The following PCDHA10 variants were observed in gnomAD, a reference collection of about 807,000 sequenced individuals.
PCDHA10 encodes protocadherin alpha 10.
PCDHA10 carries 45 observed loss-of-function variants against 61.2 expected under a neutral mutation model. The observed-to-expected ratio is 0.74, with a 90% CI of 0.58 to 0.94. The LOEUF (loss-of-function observed/expected upper bound fraction) is 0.94, where lower values mean the gene tolerates loss of function less well. Among genes scored for constraint, PCDHA10 ranks in the 40% least tolerant of loss-of-function variants. The pLI, the probability that PCDHA10 is intolerant of heterozygous loss-of-function variation, is 0.00. For synonymous variants in PCDHA10, 602 were observed against 548.8 expected, an observed-to-expected ratio of 1.10 and a Z score of -1.35; for missense variants, 1,278 against 1,236.2, an observed-to-expected ratio of 1.03 and a Z score of -0.51.
chr5:140,881,909 G>T (rs941994896), intron 1 of PCDHA10: 6 of 230,500 alleles, frequency 2.6e-5, no homozygotes, highest in Non-Finnish European at 5.1e-5. Context: ...AATATAAAAT[G>T]TTGAGCAGAA....
At chr5:140,977,337 G>A (rs1554238444) in intron 1 of PCDHA10, among the ~76,000 whole-genome samples, 4 of 152,150 alleles carry the variant, frequency 2.6e-5, no homozygotes, top group South Asian at 2.1e-4. Context: ...GGGGAGAGAC[G>A]GTGATGATGA....
intron 1 of PCDHA10, among the ~76,000 whole-genome samples, chr5:140,950,918 G>C (rs1229704497): frequency 6.6e-6 from 1 of 151,584 alleles, no homozygotes; most frequent in African/African-American, 2.4e-5. Context: ...TTTTATTTCA[G>C]TTCTTTTTCT....
chr5:140,980,432 C>A (rs1228010505), intron 2 of PCDHA10, among the ~76,000 whole-genome samples: 1 of 152,118 alleles, frequency 6.6e-6, no homozygotes, highest in East Asian at 1.9e-4. Context: ...GAGATCGAGA[C>A]CATCCTGGAC....
chr5:140,890,760 A>C (rs939413448), intron 1 of PCDHA10, among the ~76,000 whole-genome samples: 2 of 152,188 alleles, frequency 1.3e-5, no homozygotes, highest in Non-Finnish European at 2.9e-5. Flanking sequence ...ATGCTTTAAA[A>C]ATATTTTAAA....
chr5:140,894,525 A>G (rs544789222), intron 1 of PCDHA10, among the ~76,000 whole-genome samples: 11 of 151,856 alleles, frequency 7.2e-5, no homozygotes, highest in African/African-American at 2.7e-4. Context: ...ATATGCTGTT[A>G]TGTGCCTTCT....
chr5:140,858,334 GC>G lies in PCDHA10; in HGVS notation c.2289del (p.Lys764ArgfsTer17). The G allele has an allele frequency of 6.3e-7, 1 of 1,595,814 alleles. No individual in the cohort carries two copies. The highest frequency in any genetic ancestry group is 1.7e-5 in the Admixed American group (1 of 58,868). On this transcript the variant is annotated frameshift_variant, in exon 1 of 4. Coordinates refer to ENST00000307360, the MANE Select transcript of PCDHA10 (RefSeq NM_018901.4). LOFTEE classifies it high-confidence loss of function. Reference sequence around the variant, plus strand: ...AGAGGGTGTGTTCTGGGGAGGGCCTGCCCAAGGCGGACCTCATGGCCTTCAG... The same window carrying G: ...AGAGGGTGTGTTCTGGGGAGGGCCTGCCAAGGCGGACCTCATGGCCTTCAG... ...RQRVCSGEGL[P>X]KADLMAFSPS...
intron 3 of PCDHA10, among the ~76,000 whole-genome samples, chr5:140,997,321 T>C (rs964967011): frequency 1.3e-5 from 2 of 152,174 alleles, no homozygotes; most frequent in Non-Finnish European, 2.9e-5. Flanking sequence ...CTTTAGGCAG[T>C]TTTTTCGTTG....
In PCDHA10 at chr5:140,937,565, T is replaced by C. The variant is rs528061401; in HGVS notation, c.2389-41384T>C. ...CTGCGAGGCAGAGGTTGCAGTGAGC[T>C]GGGATCGCGTCACTGCACTCTAGCC... On this transcript the variant is annotated intron_variant, in intron 1 of 3. Transcript: ENST00000307360. Among the ~76,000 whole-genome samples the C allele has an allele frequency of 1.9e-3, 290 of 151,276 alleles. 1 individual carries two copies. The highest frequency in any genetic ancestry group is 6.8e-3 in the African/African-American group (279 of 40,958).
intron 1 of PCDHA10, among the ~76,000 whole-genome samples, chr5:140,888,848 CAG>C (rs1554183676): frequency 6.6e-6 from 1 of 151,980 alleles, no homozygotes; most frequent in African/African-American, 2.4e-5. Context: ...AGCCTGGTGA[CAG>C]AGTGAGACCA....
chr5:140,952,406 T>G (rs2094740405), intron 1 of PCDHA10, among the ~76,000 whole-genome samples: 1 of 151,900 alleles, frequency 6.6e-6, no homozygotes, highest in Admixed American at 6.6e-5. Flanking sequence ...ATTCTCAAAT[T>G]TAATGTTCCG....
intron 3 of PCDHA10, among the ~76,000 whole-genome samples, chr5:140,985,796 G>GTGC (rs1245486198): frequency 7.1e-6 from 1 of 140,828 alleles, no homozygotes; most frequent in Non-Finnish European, 1.5e-5. Flanking sequence ...CTGGAGTGCA[G>GTGC]TGGCACGATC....
intron 1 of PCDHA10, among the ~76,000 whole-genome samples, chr5:140,897,478 G>T (rs1554187409): frequency 1.3e-5 from 2 of 151,844 alleles, no homozygotes; most frequent in African/African-American, 4.8e-5. Flanking sequence ...TGAGAATGAT[G>T]ATTTCCAATT....
intron 1 of PCDHA10, chr5:140,877,867 T>C: frequency 2.7e-6 from 4 of 1,490,888 alleles, no homozygotes; most frequent in Non-Finnish European, 3.6e-6. Context: ...TTTAGATATA[T>C]TTGTTTCCTT....
intron 1 of PCDHA10, among the ~76,000 whole-genome samples, chr5:140,916,170 G>A (rs782402888): frequency 1.5e-4 from 23 of 152,106 alleles, no homozygotes; most frequent in Non-Finnish European, 2.9e-4. Flanking sequence ...TGCCAGGCCT[G>A]GGACTCTTCA....
intron 1 of PCDHA10, chr5:140,928,126 C>T (rs782461261): frequency 1.2e-6 from 2 of 1,614,176 alleles, no homozygotes; most frequent in Non-Finnish European, 1.7e-6. Context: ...CAGTGAATAC[C>T]AAGTCCTGAT....
rs140423301 is a variant in PCDHA10 at position 140,995,612 on chromosome 5, C to T, written c.2536+13049C>T. Among the ~76,000 whole-genome samples, 11 of 152,156 alleles carry T rather than the reference C, an allele frequency of 7.2e-5. No individual in the cohort carries two copies. In the East Asian group the frequency reaches 2.1e-3, roughly 29 times the overall value. On this transcript the variant is annotated intron_variant, in intron 3 of 3. Transcript: ENST00000307360. ...AACTTAGTGTTTTTCTTCTCCCAAA[C>T]CAAATATTGGAAACTTTGGAGTGTT... is the stretch of plus-strand genomic sequence containing the variant.
Position 140,856,935 on chromosome 5 carries a change from A to G in PCDHA10, c.887A>G (p.Glu296Gly), listed in dbSNP as rs1554149306. 4 of 1,594,120 alleles carry G rather than the reference A, an allele frequency of 2.5e-6. 1 individual carries two copies. The African/African-American group carries it at 5.4e-5, about 21-fold the overall frequency. ...ATAAGAAGGAAATTTTGGATAAACGAAAGGACGGGAGAAATAAAAGTAAAT... is the reference window on the plus strand; with the variant it reads ...ATAAGAAGGAAATTTTGGATAAACGGAAGGACGGGAGAAATAAAAGTAAAT... Reference protein sequence around the residue: ...PTIRRKFWINERTGEIKVNDA... With the variant: ...PTIRRKFWINGRTGEIKVNDA... The change falls in exon 1 of 4, where the codon GAA becomes GGA. Residue 296 changes from glutamate to glycine, a missense_variant. Glu to Gly is a moderately conservative substitution (Grantham distance 98). Transcript: ENST00000307360.
At chr5:140,972,754 CCCAAG>C (rs1290105832) in intron 1 of PCDHA10, among the ~76,000 whole-genome samples, 1 of 151,316 alleles carries the variant, frequency 6.6e-6, no homozygotes, top group African/African-American at 2.4e-5. Context: ...ACCTCCGCCT[CCCAAG>C]TTAAAGTGAT....
chr5:140,868,954 C>T (rs192231), intron 1 of PCDHA10: 649,749 of 1,346,616 alleles, frequency 0.48, 158,482 homozygotes, highest in South Asian at 0.57. Flanking sequence ...GTGAGGCACT[C>T]CCATACAAAG....
Sources: allele counts gnomAD v4.1 joint callset (sites outside exome capture counted in the v4.1 genomes callset), GRCh38; gene constraint gnomAD v4.1.1; transcripts MANE v1.5; gene names NCBI Gene and HGNC (gene_info 2026-07-23, HGNC 2026-07-21).